The following ST18 variants were observed in gnomAD, a reference collection of about 807,000 sequenced individuals.
The protein encoded by ST18 is suppression of tumorigenicity 18 protein.
ST18 carries 50 observed loss-of-function variants against 110.0 expected under a neutral mutation model. The ratio of observed to expected loss-of-function variants is 0.45; its 90% CI spans 0.36 to 0.58. The LOEUF is 0.58. Ranked by LOEUF, ST18 falls within the 20% of genes least tolerant of loss-of-function variation. The pLI, the probability that ST18 is intolerant of heterozygous loss-of-function variation, is 0.00. For missense variants in ST18, 1,306 were observed against 1,280.1 expected, an observed-to-expected ratio of 1.02 and a Z score of -0.31; for synonymous variants, 461 against 452.4, an observed-to-expected ratio of 1.02 and a Z score of -0.24.
intron 18 of ST18, 107 bp downstream of exon 18, chr8:52,137,314 C>T: frequency 8.6e-7 from 1 of 1,159,176 alleles, no homozygotes; most frequent in Non-Finnish European, 1.2e-6. Flanking sequence ...AAAACCCAAC[C>T]AACTCATTTC....
Position 52,181,177 on chromosome 8 carries a change from A to G in ST18, c.87-865T>C, listed in dbSNP as rs553816066. 9.8e-5 allele frequency among the ~76,000 whole-genome samples: 15 copies of G among 152,348 alleles called. No homozygotes were observed. The South Asian group carries it at 2.3e-3, about 23-fold the overall frequency. ...GGCCAACTGCGAGTCTATAAGAGAT[A>G]TTTATTAAATGTACTTTGAAGAAAA... On this transcript the variant is annotated intron_variant, in intron 8 of 25. Coordinates refer to ENST00000689386, the MANE Select transcript of ST18 (RefSeq NM_001352837.2).
chr8:52,351,680 T>A (rs950839397), intron 2 of ST18, among the ~76,000 whole-genome samples: 5 of 152,216 alleles, frequency 3.3e-5, no homozygotes, highest in African/African-American at 1.2e-4. Context: ...AAAATACTTT[T>A]AAAAAGTTAA....
chr8:52,137,687 G>A (rs889289868), intron 17 of ST18: 4 of 503,788 alleles, frequency 7.9e-6, no homozygotes, highest in Non-Finnish European at 1.4e-5. Context: ...ATAGCATGAT[G>A]AGTTACTTCC....
Position 52,348,730 on chromosome 8 carries a change from T to C in ST18, c.-465+60598A>G, listed in dbSNP as rs552851074. Reference sequence around the variant, plus strand: ...TTGCACTTCAGCCTGAGCAAAAAAATGCAAAACTCCACCTCAAAAAAAATT... The same window carrying C: ...TTGCACTTCAGCCTGAGCAAAAAAACGCAAAACTCCACCTCAAAAAAAATT... On this transcript the variant is annotated intron_variant, in intron 2 of 25. Transcript: ENST00000689386. 2.4e-3 allele frequency among the ~76,000 whole-genome samples: 360 copies of C among 152,154 alleles called. 1 individual carries two copies. The highest frequency in any genetic ancestry group is 6.8e-3 in the Middle Eastern group (2 of 294).
intron 2 of ST18, among the ~76,000 whole-genome samples, chr8:52,263,314 C>A (rs1162272573): frequency 6.6e-6 from 1 of 152,172 alleles, no homozygotes; most frequent in African/African-American, 2.4e-5. Flanking sequence ...AGAAAACAAG[C>A]TACCTACATA....
intron 2 of ST18, among the ~76,000 whole-genome samples, chr8:52,238,074 T>C (rs1448776542): frequency 6.6e-6 from 1 of 152,208 alleles, no homozygotes. Flanking sequence ...CAAGTGTCGA[T>C]GAGGATGTGA....
At chr8:52,194,728 G>A (rs1407053515) in intron 8 of ST18, 3 of 152,216 alleles carry the variant, frequency 2.0e-5, no homozygotes, top group African/African-American at 7.2e-5. Flanking sequence ...TCAAAGAAGA[G>A]ACAAGAAGTA....
chr8:52,154,937 C>G (rs1254608298), intron 15 of ST18: 1 of 151,654 alleles, frequency 6.6e-6, no homozygotes, highest in Non-Finnish European at 1.5e-5. Context: ...TATTGTGGCT[C>G]ACACCTGTAA....
intron 2 of ST18, chr8:52,407,740 C>CT (rs1200415539): frequency 1.3e-5 from 2 of 152,134 alleles, no homozygotes; most frequent in South Asian, 2.1e-4. Context: ...GAGATTTTCA[C>CT]TTTAAGTTTC....
rs77869269 is a variant in ST18 at position 52,136,702 on chromosome 8, T to C, written c.2232-44A>G. 3,891 of 1,520,544 alleles carry C rather than the reference T, an allele frequency of 2.6e-3. 103 individuals carry two copies. In the African/African-American group the frequency reaches 0.046, roughly 18 times the overall value. The allele number at this position is 1,520,544 out of a possible 1,614,324, so 94.2% of individuals were successfully genotyped here. On this transcript the variant is annotated intron_variant, in intron 18 of 25. Coordinates refer to ENST00000689386, the MANE Select transcript of ST18 (RefSeq NM_001352837.2). Reference sequence around the variant, plus strand: ...AAAAACACAACACAACACTGACATATACAAATCTGAGTCAAATGGCATCCT... The same window carrying C: ...AAAAACACAACACAACACTGACATACACAAATCTGAGTCAAATGGCATCCT...
chr8:52,265,461 G>A (rs935642369), intron 2 of ST18, among the ~76,000 whole-genome samples: 4 of 152,188 alleles, frequency 2.6e-5, no homozygotes, highest in African/African-American at 9.7e-5. Flanking sequence ...TAAATTGAAG[G>A]GAGACAGAGG....
intron 2 of ST18, among the ~76,000 whole-genome samples, chr8:52,300,253 G>A (rs2095697781): frequency 6.6e-6 from 1 of 152,176 alleles, no homozygotes; most frequent in Non-Finnish European, 1.5e-5. Flanking sequence ...TATTAAGCCA[G>A]GTAGTCAGGA....
chr8:52,286,227 A>C (rs950877586), intron 2 of ST18, among the ~76,000 whole-genome samples: 1 of 152,210 alleles, frequency 6.6e-6, no homozygotes, highest in African/African-American at 2.4e-5. Flanking sequence ...AAATGTCCAC[A>C]CTCAAAAATG....
chr8:52,182,201 A>G (rs2069988990), intron 8 of ST18, among the ~76,000 whole-genome samples: 1 of 152,192 alleles, frequency 6.6e-6, no homozygotes, highest in South Asian at 2.1e-4. Context: ...GTATTGGGAA[A>G]ACAGCTAACA....
chr8:52,355,566 C>G (rs1242577086), intron 2 of ST18, among the ~76,000 whole-genome samples: 1 of 152,192 alleles, frequency 6.6e-6, no homozygotes, highest in Admixed American at 6.5e-5. Context: ...AAGCAATAAG[C>G]TGGCAACAAC....
chr8:52,349,160 G>A (rs1819125042), intron 2 of ST18, among the ~76,000 whole-genome samples: 1 of 152,068 alleles, frequency 6.6e-6, no homozygotes. Flanking sequence ...CATCCATGTT[G>A]CAGCCCTTGA....
At chr8:52,229,073 T>C (rs1244177808) in intron 3 of ST18, among the ~76,000 whole-genome samples, 4 of 152,208 alleles carry the variant, frequency 2.6e-5, no homozygotes, top group Non-Finnish European at 5.9e-5. Context: ...AAAATCAATA[T>C]TCCAATTCTT....
chr8:52,379,246 C>G (rs1229225724), intron 2 of ST18, among the ~76,000 whole-genome samples: 1 of 151,780 alleles, frequency 6.6e-6, no homozygotes, highest in African/African-American at 2.4e-5. Flanking sequence ...TACAGGTGTG[C>G]ACGGTTACGC....
intron 2 of ST18, among the ~76,000 whole-genome samples, chr8:52,395,679 C>T (rs1158373091): frequency 3.3e-5 from 5 of 152,162 alleles, no homozygotes; most frequent in Non-Finnish European, 5.9e-5. Flanking sequence ...ATTCAGAAAA[C>T]GTTGAGGGTA....
Sources: gnomAD v4.1 joint callset for allele counts (sites outside exome capture counted in the v4.1 genomes callset) on GRCh38, gnomAD v4.1.1 for gene constraint, MANE v1.5 for transcripts, NCBI Gene and HGNC (gene_info 2026-07-23, HGNC 2026-07-21) for gene names.